The following MEGF11 variants were observed in gnomAD, a reference collection of about 807,000 sequenced individuals.
MEGF11 encodes the protein multiple epidermal growth factor-like domains protein 11.
MEGF11 carries 126 observed loss-of-function variants against 146.6 expected under a neutral mutation model. The observed-to-expected ratio is 0.86, with a 90% CI of 0.74 to 1.00. The LOEUF (loss-of-function observed/expected upper bound fraction) is 1.00. Ranked by LOEUF, MEGF11 falls within the 50% of genes least tolerant of loss-of-function variation. The pLI, the probability that MEGF11 is intolerant of heterozygous loss-of-function variation, is 0.00. For missense variants in MEGF11, 1,509 were observed against 1,521.2 expected (o/e 0.99, Z 0.13); for synonymous variants, 532 against 583.4 (o/e 0.91, Z 1.27).
At chr15:66,013,394 C>A (rs1300968460) in intron 5 of MEGF11, among the ~76,000 whole-genome samples, 1 of 151,854 alleles carries the variant, frequency 6.6e-6, no homozygotes, top group African/African-American at 2.4e-5. Flanking sequence ...GGCCCCACAA[C>A]TGCTCTTGAT....
intron 1 of MEGF11, among the ~76,000 whole-genome samples, chr15:66,189,830 G>C (rs900908884): frequency 1.0e-5 from 1 of 95,962 alleles, no homozygotes; most frequent in Non-Finnish European, 2.0e-5. Flanking sequence ...ACAGGGGAAA[G>C]ATGAGGGGCA....
rs552247386 is a variant in MEGF11, at chr15:65,973,767, T to A, written c.763-3078A>T. ...TGTGGCAGAAAGTCAATGGATTCAA[T>A]GACTGTCTAAGATGGAAAAGTCAAG... On this transcript the variant is annotated intron_variant, in intron 7 of 25. Coordinates refer to ENST00000395614, the MANE Select transcript of MEGF11 (RefSeq NM_001385028.1). Among the ~76,000 whole-genome samples the A allele has an allele frequency of 3.9e-5, 6 of 152,340 alleles. No individual in the cohort carries two copies. In the South Asian group the frequency reaches 8.3e-4, roughly 21 times the overall value.
intron 18 of MEGF11, among the ~76,000 whole-genome samples, 178 bp downstream of exon 18, chr15:65,915,970 C>T (rs953402780): frequency 3.3e-5 from 5 of 152,214 alleles, no homozygotes; most frequent in Non-Finnish European, 5.9e-5. Flanking sequence ...GGGAGAAATT[C>T]TTCAAACAAT....
chr15:66,048,621 C>T (rs2084323560), intron 5 of MEGF11, among the ~76,000 whole-genome samples: 1 of 152,176 alleles, frequency 6.6e-6, no homozygotes, highest in Admixed American at 6.5e-5. Context: ...TCTGCAGACG[C>T]CAAGTGCCTG....
intron 1 of MEGF11, among the ~76,000 whole-genome samples, chr15:66,228,666 G>A (rs971536740): frequency 3.0e-4 from 45 of 152,208 alleles, no homozygotes; most frequent in African/African-American, 1.0e-3. Context: ...GAGGGGTTGG[G>A]ACTCATCACC....
Position 65,896,831 on chromosome 15 carries a change from C to T in MEGF11, c.*1103G>A, listed in dbSNP as rs1289742181. 2 of 152,236 alleles carry T rather than the reference C, an allele frequency of 1.3e-5. No individual in the cohort carries two copies. Among genetic ancestry groups the T allele is most frequent in the Admixed American group, 1.3e-4 (2 of 15,282 alleles). 9.4% of individuals were successfully genotyped at this position (152,236 alleles called of 1,614,324 possible). ...ACAGTAACGTTTTTACATCACGTTACAGCAACTGGTTACAGTCCATTCTTT... is the reference window on the plus strand; with the variant it reads ...ACAGTAACGTTTTTACATCACGTTATAGCAACTGGTTACAGTCCATTCTTT... On this transcript the variant is annotated 3_prime_UTR_variant, in exon 26 of 26. Coordinates refer to ENST00000395614, the MANE Select transcript of MEGF11 (RefSeq NM_001385028.1).
intron 1 of MEGF11, among the ~76,000 whole-genome samples, chr15:66,165,705 G>C (rs1240596890): frequency 6.6e-6 from 1 of 152,112 alleles, no homozygotes; most frequent in Non-Finnish European, 1.5e-5. Flanking sequence ...AGGCAGGTGG[G>C]GGACTTATAA....
intron 4 of MEGF11, among the ~76,000 whole-genome samples, chr15:66,108,889 G>A (rs577808698): frequency 4.4e-4 from 67 of 152,310 alleles, no homozygotes; most frequent in Middle Eastern, 3.4e-3. Flanking sequence ...GGCTTCAGCT[G>A]GCCCAGGAAA....
intron 5 of MEGF11, among the ~76,000 whole-genome samples, chr15:66,046,644 T>A (rs1391300310): frequency 6.6e-6 from 1 of 152,152 alleles, no homozygotes; most frequent in African/African-American, 2.4e-5. Context: ...TTTGCTTTGT[T>A]CTTAAAGGAT....
chr15:66,139,582 A>G (rs2089048820), intron 1 of MEGF11, among the ~76,000 whole-genome samples: 1 of 151,192 alleles, frequency 6.6e-6, no homozygotes, highest in African/African-American at 2.4e-5. Context: ...ATGAAATGAA[A>G]CATCATATTT....
intron 1 of MEGF11, among the ~76,000 whole-genome samples, chr15:66,170,896 C>G (rs1486980971): frequency 1.3e-5 from 2 of 152,200 alleles, no homozygotes. Flanking sequence ...GGCTCACTCC[C>G]CACCAGGGCA....
chr15:66,177,560 G>A (rs890951693), intron 1 of MEGF11, among the ~76,000 whole-genome samples: 3 of 151,996 alleles, frequency 2.0e-5, no homozygotes, highest in African/African-American at 7.3e-5. Flanking sequence ...ATTAGTAACG[G>A]CTGTTTTTGT....
intron 5 of MEGF11, among the ~76,000 whole-genome samples, chr15:66,016,064 G>C (rs2082874092): frequency 6.6e-6 from 1 of 151,988 alleles, no homozygotes. Context: ...CATAGAATGG[G>C]AGAGGGCAAA....
chr15:66,070,061 A>G (rs1182066110), intron 5 of MEGF11, among the ~76,000 whole-genome samples: 1 of 152,212 alleles, frequency 6.6e-6, no homozygotes, highest in Non-Finnish European at 1.5e-5. Context: ...CCCAAAGGAA[A>G]TGACCTCAGC....
chr15:66,198,593 C>T (rs1420900751), intron 1 of MEGF11, among the ~76,000 whole-genome samples: 1 of 152,218 alleles, frequency 6.6e-6, no homozygotes, highest in Admixed American at 6.5e-5. Context: ...TCAAGTGATT[C>T]TCCTGCCTCA....
At chr15:66,145,627 T>C (rs1271928165) in intron 1 of MEGF11, among the ~76,000 whole-genome samples, 1 of 152,102 alleles carries the variant, frequency 6.6e-6, no homozygotes, top group Non-Finnish European at 1.5e-5. Context: ...GAGGCTACAA[T>C]ATGTGCCAGA....
chr15:66,244,133 C>T (rs1331103263), intron 1 of MEGF11, among the ~76,000 whole-genome samples: 1 of 152,166 alleles, frequency 6.6e-6, no homozygotes, highest in Non-Finnish European at 1.5e-5. Context: ...CTGAGAAGTG[C>T]CTGCTCAACC....
intron 1 of MEGF11, among the ~76,000 whole-genome samples, chr15:66,195,908 A>T (rs1001432046): frequency 6.6e-6 from 1 of 152,184 alleles, no homozygotes; most frequent in African/African-American, 2.4e-5. Context: ...CTGGAGTAAG[A>T]CGTGGTGGGG....
chr15:66,082,627 G>A (rs2085935388), intron 5 of MEGF11, among the ~76,000 whole-genome samples: 2 of 116,988 alleles, frequency 1.7e-5, no homozygotes, highest in South Asian at 3.0e-4. Context: ...CCAAGATCGT[G>A]CCACTGTATT....
Sources: allele counts gnomAD v4.1 joint callset (sites outside exome capture counted in the v4.1 genomes callset), GRCh38; gene constraint gnomAD v4.1.1; transcripts MANE v1.5; gene names NCBI Gene and HGNC (gene_info 2026-07-23, HGNC 2026-07-21).